The following LRMDA variants were observed in gnomAD, a reference collection of about 807,000 sequenced individuals.
The protein encoded by LRMDA is leucine rich melanocyte differentiation associated.
Under a neutral mutation model 29.8 loss-of-function variants are expected in LRMDA, and 18 were observed. The observed-to-expected ratio is 0.60, with a 90% CI of 0.42 to 0.90. LRMDA has a LOEUF of 0.90. Ranked by LOEUF, LRMDA falls within the 40% of genes least tolerant of loss-of-function variation. The pLI, the probability that LRMDA is intolerant of heterozygous loss-of-function variation, is 0.00. For synonymous variants in LRMDA, 125 were observed against 109.4 expected (o/e 1.14, Z -0.89); for missense variants, 273 against 273.9 (o/e 1.00, Z 0.02).
At chr10:75,741,843 A>G (rs967334001) in intron 2 of LRMDA, among the ~76,000 whole-genome samples, 1 of 152,108 alleles carries the variant, frequency 6.6e-6, no homozygotes, top group Non-Finnish European at 1.5e-5. Flanking sequence ...CCTAAGCCCC[A>G]GTGTGATGGT....
chr10:76,149,891 A>G (rs1369099312), intron 5 of LRMDA, among the ~76,000 whole-genome samples: 1 of 152,186 alleles, frequency 6.6e-6, no homozygotes, highest in East Asian at 1.9e-4. Flanking sequence ...GGTTGGAAAC[A>G]GAGCCTGTGG....
At chr10:75,777,532 G>A (rs1357235915) in intron 2 of LRMDA, among the ~76,000 whole-genome samples, 1 of 152,246 alleles carries the variant, frequency 6.6e-6, no homozygotes, top group African/African-American at 2.4e-5. Context: ...TTTTGTTGAA[G>A]GGCTATGTCT....
intron 2 of LRMDA, among the ~76,000 whole-genome samples, chr10:75,735,233 A>C (rs1204439151): frequency 6.6e-6 from 1 of 152,206 alleles, no homozygotes; most frequent in Non-Finnish European, 1.5e-5. Context: ...TATTATTCAG[A>C]AAGTCAGTCC....
intron 4 of LRMDA, among the ~76,000 whole-genome samples, chr10:76,056,573 C>T (rs1178454298): frequency 2.0e-5 from 3 of 152,242 alleles, no homozygotes; most frequent in Non-Finnish European, 4.4e-5. Context: ...CTGCTGTGCT[C>T]ATCAGCACCC....
At chr10:76,371,534 T>C (rs930048551) in intron 6 of LRMDA, among the ~76,000 whole-genome samples, 8 of 152,286 alleles carry the variant, frequency 5.3e-5, no homozygotes, top group African/African-American at 1.9e-4. Context: ...TAATAACTCC[T>C]CTCATTGGTT....
Position 76,429,023 on chromosome 10 carries a change from T to TAC in LRMDA, c.601+104554_601+104555dup, listed in dbSNP as rs140684832. Among the ~76,000 whole-genome samples, 1,268 of 149,948 alleles carry TAC rather than the reference T, an allele frequency of 8.5e-3. 15 individuals are homozygous for TAC. The highest frequency in any genetic ancestry group is 0.029 in the African/African-American group (1,173 of 40,824). Reference sequence around the variant, plus strand: ...GATGAGGAAATAACCCTGCCAATTATACACACACACACACACAAACACACA... The same window carrying TAC: ...GATGAGGAAATAACCCTGCCAATTATACACACACACACACACACAAACACACA... On this transcript the variant is annotated intron_variant, in intron 6 of 6. Transcript: ENST00000611255.
chr10:76,155,738 A>G (rs920441539), intron 5 of LRMDA, among the ~76,000 whole-genome samples: 3 of 152,108 alleles, frequency 2.0e-5, no homozygotes, highest in African/African-American at 7.2e-5. Flanking sequence ...CTTTTGCTGT[A>G]TTAGGGTGAT....
At chr10:75,662,000 T>C (rs1046753971) in intron 2 of LRMDA, among the ~76,000 whole-genome samples, 4 of 152,184 alleles carry the variant, frequency 2.6e-5, no homozygotes, top group African/African-American at 9.7e-5. Flanking sequence ...TTCAGCCTCC[T>C]AAGTAGGATA....
intron 2 of LRMDA, among the ~76,000 whole-genome samples, chr10:75,932,173 TAAG>T (rs998993714): frequency 2.6e-5 from 4 of 152,234 alleles, no homozygotes; most frequent in Non-Finnish European, 5.9e-5. Context: ...TGTACTTTCT[TAAG>T]AAGCTGGAAG....
At chr10:75,715,988 T>C (rs1842495420) in intron 2 of LRMDA, among the ~76,000 whole-genome samples, 1 of 152,198 alleles carries the variant, frequency 6.6e-6, no homozygotes, top group African/African-American at 2.4e-5. Context: ...TACTTTAGAA[T>C]CACGAATGTT....
intron 2 of LRMDA, among the ~76,000 whole-genome samples, chr10:75,949,554 G>A (rs1846537270): frequency 6.6e-6 from 1 of 152,256 alleles, no homozygotes; most frequent in African/African-American, 2.4e-5. Context: ...AATTGGAGGA[G>A]TCTTAGGAAG....
chr10:76,157,340 A>G (rs971933458), intron 5 of LRMDA, among the ~76,000 whole-genome samples: 4 of 152,314 alleles, frequency 2.6e-5, no homozygotes, highest in African/African-American at 9.6e-5. Flanking sequence ...AACTGGGTGC[A>G]GTGGCTCACA....
intron 2 of LRMDA, among the ~76,000 whole-genome samples, chr10:75,985,886 T>C (rs1847254407): frequency 6.6e-6 from 1 of 152,186 alleles, no homozygotes; most frequent in Non-Finnish European, 1.5e-5. Flanking sequence ...TCAATGAAGA[T>C]GGAGAAACAA....
chr10:76,167,657 C>T (rs1408485032), intron 5 of LRMDA, among the ~76,000 whole-genome samples: 2 of 152,000 alleles, frequency 1.3e-5, no homozygotes, highest in African/African-American at 4.8e-5. Context: ...TTACTGTAGC[C>T]CTGTAGTATA....
chr10:76,094,352 T>G (rs781521105), intron 5 of LRMDA, among the ~76,000 whole-genome samples: 1 of 152,236 alleles, frequency 6.6e-6, no homozygotes, highest in Non-Finnish European at 1.5e-5. Flanking sequence ...ATATATTAAC[T>G]GTTAGAATTT....
At chr10:75,880,704 C>T (rs535555501) in intron 2 of LRMDA, among the ~76,000 whole-genome samples, 9 of 152,248 alleles carry the variant, frequency 5.9e-5, no homozygotes, top group Non-Finnish European at 7.4e-5. Context: ...CTCAGGAAAC[C>T]GGTATTTGCT....
intron 2 of LRMDA, among the ~76,000 whole-genome samples, chr10:75,992,880 C>T (rs553416627): frequency 6.6e-6 from 1 of 152,274 alleles, no homozygotes; most frequent in East Asian, 1.9e-4. Context: ...TTCATTCATC[C>T]ACCAGGCTTA....
At chr10:76,219,835 C>A (rs1274474780) in intron 5 of LRMDA, among the ~76,000 whole-genome samples, 10 of 152,296 alleles carry the variant, frequency 6.6e-5, no homozygotes, top group African/African-American at 2.4e-4. Context: ...CACCACACCA[C>A]ACCTATTCCA....
intron 5 of LRMDA, among the ~76,000 whole-genome samples, chr10:76,245,738 G>T (rs1032782413): frequency 6.6e-6 from 1 of 152,248 alleles, no homozygotes; most frequent in South Asian, 2.1e-4. Context: ...TATTTGCCTT[G>T]GCATCCTGCC....
Sources: allele counts gnomAD v4.1 joint callset (sites outside exome capture counted in the v4.1 genomes callset), GRCh38; gene constraint gnomAD v4.1.1; transcripts MANE v1.5; gene names NCBI Gene and HGNC (gene_info 2026-07-23, HGNC 2026-07-21).